CMTM7: variants seen among roughly 807,000 people sequenced by gnomAD.
CMTM7 encodes CKLF-like MARVEL transmembrane domain-containing protein 7.
Under a neutral mutation model 19.3 loss-of-function variants are expected in CMTM7, and 7 were observed. That is an observed-to-expected ratio of 0.36 (90% CI 0.21 to 0.68). The LOEUF (loss-of-function observed/expected upper bound fraction) is 0.68. Ranked by LOEUF, CMTM7 falls within the 30% of genes least tolerant of loss-of-function variation. The pLI, the probability that CMTM7 is intolerant of heterozygous loss-of-function variation, is 0.60. For missense variants in CMTM7, 193 were observed against 232.6 expected, an observed-to-expected ratio of 0.83 and a Z score of 1.11; for synonymous variants, 87 against 99.3, an observed-to-expected ratio of 0.88 and a Z score of 0.74.
intron 2 of CMTM7, among the ~76,000 whole-genome samples, chr3:32,444,563 G>A (rs199822963): frequency 7.9e-5 from 12 of 152,124 alleles, no homozygotes; most frequent in Non-Finnish European, 1.0e-4. Flanking sequence ...TTTTAGAATC[G>A]GGTTTTCAAT....
Position 32,441,875 on chromosome 3 carries a change from C to T in CMTM7, c.195C>T (p.Ser65=), listed in dbSNP as rs1342864421. 5 of 1,614,186 alleles carry T rather than the reference C, an allele frequency of 3.1e-6. No individual in the cohort carries two copies. The highest frequency in any genetic ancestry group is 2.5e-6 in the Non-Finnish European group (3 of 1,180,028). ...TLLIAFICVR[S]SLWTNYSAYS... ...TGATTGCCTTCATCTGTGTGCGGAGCTCCCTGTGGACCAACTACAGCGCCT... is the reference window on the plus strand; with the variant it reads ...TGATTGCCTTCATCTGTGTGCGGAGTTCCCTGTGGACCAACTACAGCGCCT... The change falls in exon 2 of 5, where the codon AGC becomes AGT. Residue 65 remains serine, a synonymous_variant. Transcript: ENST00000334983.
chr3:32,441,775 G>A (rs878985097), intron 1 of CMTM7, 65 bp from the exon 2 acceptor site: 29 of 1,458,062 alleles, frequency 2.0e-5, no homozygotes, highest in South Asian at 4.8e-5. Flanking sequence ...GTTGTTTTCC[G>A]TTGTTTGTTC....
At chr3:32,452,700 C>T (rs559882214) in intron 4 of CMTM7, among the ~76,000 whole-genome samples, 104 of 151,958 alleles carry the variant, frequency 6.8e-4, no homozygotes, top group African/African-American at 2.4e-3. Context: ...ATTTCAGCCT[C>T]GGGTGGCCAA....
chr3:32,430,881 A>C (rs1369264336), intron 1 of CMTM7, among the ~76,000 whole-genome samples: 1 of 152,182 alleles, frequency 6.6e-6, no homozygotes, highest in Non-Finnish European at 1.5e-5. Context: ...TCTAGACAGT[A>C]CGTGGAGAGG....
At chr3:32,428,519 G>A (rs867695019) in intron 1 of CMTM7, among the ~76,000 whole-genome samples, 1 of 152,210 alleles carries the variant, frequency 6.6e-6, no homozygotes, top group Non-Finnish European at 1.5e-5. Flanking sequence ...GCAGGAAAGA[G>A]GTTTAGAAAG....
At chr3:32,437,975 C>A (rs1024675467) in intron 1 of CMTM7, among the ~76,000 whole-genome samples, 4 of 152,026 alleles carry the variant, frequency 2.6e-5, no homozygotes, top group Non-Finnish European at 5.9e-5. Flanking sequence ...AAGAACAAAC[C>A]GTTACGAGAG....
At chr3:32,426,850 A>G (rs1575118331) in intron 1 of CMTM7, among the ~76,000 whole-genome samples, 1 of 152,328 alleles carries the variant, frequency 6.6e-6, no homozygotes, top group East Asian at 1.9e-4. Flanking sequence ...TTTAATGCTA[A>G]GTCCAGAGGT....
intron 1 of CMTM7, among the ~76,000 whole-genome samples, chr3:32,417,444 T>C (rs1696284228): frequency 6.6e-6 from 1 of 152,248 alleles, no homozygotes. Flanking sequence ...ATGATATGGA[T>C]ATGTGTGTGT....
intron 1 of CMTM7, among the ~76,000 whole-genome samples, chr3:32,399,376 A>G (rs1695968308): frequency 6.6e-6 from 1 of 151,932 alleles, no homozygotes; most frequent in African/African-American, 2.4e-5. Context: ...TTGACAGTGC[A>G]AAATACTTTA....
At chr3:32,404,303 G>A (rs1696058626) in intron 1 of CMTM7, among the ~76,000 whole-genome samples, 1 of 151,768 alleles carries the variant, frequency 6.6e-6, no homozygotes, top group African/African-American at 2.4e-5. Flanking sequence ...TGGGATTACA[G>A]GTGCATGCCA....
At position 32,391,854 on chromosome 3, in the gene CMTM7, T is replaced by G; in HGVS notation, c.-53T>G. 4.4e-6 allele frequency: 5 copies of G among 1,123,814 alleles called. No homozygotes were observed. Among genetic ancestry groups the G allele is most frequent in the African/African-American group, 1.6e-5 (1 of 61,270 alleles). The allele number at this position is 1,123,814 out of a possible 1,614,324, so 69.6% of individuals were successfully genotyped here. On this transcript the variant is annotated 5_prime_UTR_variant, in exon 1 of 5. Transcript: ENST00000334983. Reference sequence around the variant, plus strand: ...GCCCGCCCCCGGCCCGCCCTCTGTATCTGGCCCCTGGGCAGCTGCCCGGGG... The same window carrying G: ...GCCCGCCCCCGGCCCGCCCTCTGTAGCTGGCCCCTGGGCAGCTGCCCGGGG...
In CMTM7 at chr3:32,391,930, C is replaced by T. The variant is rs564751013; in HGVS notation, c.24C>T (p.Val8=). 1.1e-4 allele frequency: 130 copies of T among 1,227,594 alleles called. No homozygotes were observed. The highest frequency in any genetic ancestry group is 2.0e-4 in the African/African-American group (13 of 64,170). 76.0% of individuals were successfully genotyped at this position (1,227,594 alleles called of 1,614,324 possible). ...CAATGTCGCACGGAGCCGGGCTCGT[C>T]CGCACCACGTGCAGCAGCGGCAGCG... MSHGAGL[V]RTTCSSGSAL... is the part of the protein sequence containing the mutation. The change falls in exon 1 of 5, where the codon GTC becomes GTT. Residue 8 remains valine, a synonymous_variant. Coordinates refer to ENST00000334983, the MANE Select transcript of CMTM7 (RefSeq NM_138410.4).
At chr3:32,439,894 A>G (rs574252738) in intron 1 of CMTM7, among the ~76,000 whole-genome samples, 1 of 152,250 alleles carries the variant, frequency 6.6e-6, no homozygotes, top group Non-Finnish European at 1.5e-5. Context: ...GAGCTCTCCT[A>G]TTTATTGCAG....
chr3:32,407,419 T>A (rs1299084067), intron 1 of CMTM7, among the ~76,000 whole-genome samples: 4 of 152,182 alleles, frequency 2.6e-5, no homozygotes, highest in Non-Finnish European at 5.9e-5. Context: ...GAAGCCAAAT[T>A]ATTTCTGCAG....
intron 2 of CMTM7, among the ~76,000 whole-genome samples, chr3:32,444,629 T>C (rs1396762772): frequency 6.6e-6 from 1 of 152,246 alleles, no homozygotes; most frequent in Non-Finnish European, 1.5e-5. Context: ...CATAGATCAA[T>C]TTGGAGAATA....
rs1696848541 is a variant in CMTM7 at position 32,452,229 on chromosome 3, T to A, written c.433-163T>A. 2.0e-6 allele frequency: 3 copies of A among 1,526,134 alleles called. No individual in the cohort carries two copies. In the East Asian group the frequency reaches 7.3e-5, roughly 37 times the overall value. The allele number at this position is 1,526,134 out of a possible 1,614,324, so 94.5% of individuals were successfully genotyped here. A position where few individuals can be genotyped will look rare whatever the true frequency, so the allele number is the denominator to read the frequency against. On this transcript the variant is annotated intron_variant, in intron 3 of 4. Transcript: ENST00000334983. ...TGGCTGGGCCTCGCGGGGCTTCCTCTCTGCACCTGATCCAGGATGAGGTGG... is the reference window on the plus strand; with the variant it reads ...TGGCTGGGCCTCGCGGGGCTTCCTCACTGCACCTGATCCAGGATGAGGTGG...
At chr3:32,442,099 C>T in intron 2 of CMTM7, 86 bp downstream of exon 2, 1 of 1,245,950 alleles carries the variant, frequency 8.0e-7, no homozygotes, top group Non-Finnish European at 1.1e-6. Context: ...TTTTTCCCGT[C>T]TGCCCATCTC....
intron 1 of CMTM7, among the ~76,000 whole-genome samples, chr3:32,421,749 C>G (rs1234266637): frequency 6.6e-6 from 1 of 152,184 alleles, no homozygotes; most frequent in Non-Finnish European, 1.5e-5. Context: ...TTTTGTGCTA[C>G]TTTGTGCCAA....
At chr3:32,435,947 A>G (rs1034439488) in intron 1 of CMTM7, among the ~76,000 whole-genome samples, 1 of 152,176 alleles carries the variant, frequency 6.6e-6, no homozygotes, top group African/African-American at 2.4e-5. Context: ...CCCAGAGGCA[A>G]GTGCTGTTAC....
Sources: gnomAD v4.1 joint callset for allele counts (sites outside exome capture counted in the v4.1 genomes callset) on GRCh38, gnomAD v4.1.1 for gene constraint, MANE v1.5 for transcripts, NCBI Gene and HGNC (gene_info 2026-07-23, HGNC 2026-07-21) for gene names.